Variants in ZNF467 observed in about 807,000 individuals in gnomAD.
ZNF467 encodes zinc finger protein 467.
Under a neutral mutation model 47.8 loss-of-function variants are expected in ZNF467, and 51 were observed. The ratio of observed to expected loss-of-function variants is 1.07; its 90% CI spans 0.85 to 1.35. ZNF467 has a LOEUF of 1.35. ZNF467 is among the 40% of genes most tolerant of loss of function. The probability of loss-of-function intolerance (pLI) is 0.00; values close to 1 mark genes in which losing one functional copy is unlikely to be tolerated. For missense variants in ZNF467, 992 were observed against 858.1 expected, an observed-to-expected ratio of 1.16 and a Z score of -1.95; for synonymous variants, 416 against 372.9, an observed-to-expected ratio of 1.12 and a Z score of -1.33.
chr7:149,771,344 C>T (rs1799399813), intron 1 of ZNF467, among the ~76,000 whole-genome samples: 1 of 152,200 alleles, frequency 6.6e-6, no homozygotes, highest in Non-Finnish European at 1.5e-5. Flanking sequence ...CCGCCAACCC[C>T]GGCCCATCAG....
upstream of ZNF467, among the ~76,000 whole-genome samples, chr7:149,774,868 G>A (rs952891142): frequency 6.6e-6 from 1 of 152,138 alleles, no homozygotes; most frequent in Non-Finnish European, 1.5e-5. The surrounding 1 kb of genome is among the most constrained non-coding windows in gnomAD (Gnocchi z 5.7). Flanking sequence ...GAGAAGGAGA[G>A]CCCGGCCCAG....
chr7:149,766,071 A>C lies in ZNF467; in HGVS notation c.431T>G (p.Leu144Arg), dbSNP rs745878650. ...YKLEPGAPGA[L>R]SGLALSGWGP... ...CCACCCAGACAGCGCGAGCCCACTC[A>C]GTGCCCCCGGGGCCCCTGGCTCCAG... The change falls in exon 5 of 5, where the codon CTG becomes CGG. Residue 144 changes from leucine to arginine, a missense_variant. By Grantham distance (102) the Leu-to-Arg change is moderately radical (BLOSUM62 -2). Coordinates refer to ENST00000302017, the MANE Select transcript of ZNF467 (RefSeq NM_207336.3). 8 of 1,609,940 alleles carry C rather than the reference A, an allele frequency of 5.0e-6. No homozygotes were observed. The highest frequency in any genetic ancestry group is 1.7e-6 in the Non-Finnish European group (2 of 1,178,124).
chr7:149,776,088 A>C, upstream of ZNF467: 1 of 1,364,578 alleles, frequency 7.3e-7, no homozygotes. Context: ...GCCCTGGCTG[A>C]CGGGTAAGCA....
Position 149,765,032 on chromosome 7 carries a change from A to AG in ZNF467, c.1469dup (p.Gln491SerfsTer230). 6.5e-7 allele frequency: 1 copy of AG among 1,549,858 alleles called. No homozygotes were observed. Among genetic ancestry groups the AG allele is most frequent in the Non-Finnish European group, 8.7e-7 (1 of 1,153,922 alleles). ...TGCGGCTGAAGCGGCGGCCGCACTG[A>AG]GCGCAGGCGAAAGGCCTGGCGCCGC... On this transcript the variant is annotated frameshift_variant, in exon 5 of 5. Transcript: ENST00000302017. LOFTEE classifies it high-confidence loss of function.
At position 149,764,601 on chromosome 7, in the gene ZNF467, G is replaced by A. The variant is rs1292918625; in HGVS notation, c.*113C>T. 8 of 1,533,620 alleles carry A rather than the reference G, an allele frequency of 5.2e-6. No individual in the cohort carries two copies. The highest frequency in any genetic ancestry group is 7.1e-6 in the Non-Finnish European group (8 of 1,134,244). The stretch of plus-strand genomic sequence containing the variant: ...ACTGCGGGAAGGAAACAGGTGTCCC[G>A]CGGCGGCCAAACCTTCGGGCAGCAG... On this transcript the variant is annotated 3_prime_UTR_variant, in exon 5 of 5. Coordinates refer to ENST00000302017, the MANE Select transcript of ZNF467 (RefSeq NM_207336.3).
Position 149,765,617 on chromosome 7 carries a change from C to A in ZNF467, c.885G>T (p.Thr295=). 1 of 1,605,236 alleles carries A rather than the reference C, an allele frequency of 6.2e-7. No individual in the cohort carries two copies. Among genetic ancestry groups the A allele is most frequent in the Non-Finnish European group, 8.5e-7 (1 of 1,176,122 alleles). ...THLIRHQRIH[T]GERPYQCAQC... Reference sequence around the variant, plus strand: ...GTGCGCACTGGTAGGGCCTCTCGCCCGTATGGATGCGCTGGTGCCGAATCA... The same window carrying A: ...GTGCGCACTGGTAGGGCCTCTCGCCAGTATGGATGCGCTGGTGCCGAATCA... The change falls in exon 5 of 5, where the codon ACG becomes ACT. Residue 295 remains threonine (T), a synonymous_variant. Coordinates refer to ENST00000302017, the MANE Select transcript of ZNF467 (RefSeq NM_207336.3).
chr7:149,764,295 T>C lies in ZNF467; in HGVS notation c.*419A>G, dbSNP rs1434866051. The stretch of plus-strand genomic sequence containing the variant: ...TGGAGGGGGGTGGTCTGTGTGTGGA[T>C]GGAGGTGGGACAGTGGCTAAGGAGA... On this transcript the variant is annotated 3_prime_UTR_variant, in exon 5 of 5. Coordinates refer to ENST00000302017, the MANE Select transcript of ZNF467 (RefSeq NM_207336.3). The C allele has an allele frequency of 4.2e-6, 2 of 476,174 alleles. No individual in the cohort carries two copies. Among genetic ancestry groups the C allele is most frequent in the African/African-American group, 4.1e-5 (2 of 49,368 alleles). 29.5% of individuals were successfully genotyped at this position (476,174 alleles called of 1,614,324 possible).
In ZNF467 at chr7:149,769,134, T is replaced by A; in HGVS notation, c.218A>T (p.Gln73Leu). ...TEQAEAPCRG[Q>L]ACSAQKAQPV... ...CTGAGCCTTCTGTGCTGAGCACGCC[T>A]GGCCTCTGCAGGGAGCCTCGGCTTG... Residue 73 changes from glutamine to leucine, a missense_variant, in exon 4 of 5, where the codon CAG becomes CTG. Physicochemically the swap from Gln to Leu is moderately radical, Grantham distance 113. Coordinates refer to ENST00000302017, the MANE Select transcript of ZNF467 (RefSeq NM_207336.3). This position sits in a 1 kb window ranked among gnomAD's most constrained non-coding sequence, Gnocchi z 5.3. The A allele has an allele frequency of 6.4e-7, 1 of 1,561,726 alleles. No homozygotes were observed. The highest frequency in any genetic ancestry group is 1.2e-5 in the South Asian group (1 of 84,886).
upstream of ZNF467, chr7:149,775,937 T>TG: frequency 1.1e-6 from 1 of 886,122 alleles, no homozygotes; most frequent in Non-Finnish European, 1.6e-6. Context: ...GGAGGCTGCG[T>TG]GGGGCAGGAG....
In ZNF467 at chr7:149,765,470, G is replaced by A; in HGVS notation, c.1032C>T (p.Ser344=). ...SSASPHSTAP[S]PTPSFPGPKP... is the part of the protein sequence containing the mutation. Reference sequence around the variant, plus strand: ...TTGGCCCGGGAAAGGATGGGGTCGGGGACGGGGCAGTGGAATGAGGAGAAG... The same window carrying A: ...TTGGCCCGGGAAAGGATGGGGTCGGAGACGGGGCAGTGGAATGAGGAGAAG... The change falls in exon 5 of 5, where the codon TCC becomes TCT. Residue 344 remains serine (S), a synonymous_variant. Coordinates refer to ENST00000302017, the MANE Select transcript of ZNF467 (RefSeq NM_207336.3). 1 of 1,585,748 alleles carries A rather than the reference G, an allele frequency of 6.3e-7. No individual in the cohort carries two copies. Among genetic ancestry groups the A allele is most frequent in the East Asian group, 2.3e-5 (1 of 43,914 alleles).
At chr7:149,775,956 G>A (rs901993349), upstream of ZNF467, 16 of 1,093,180 alleles carry the variant, frequency 1.5e-5, no homozygotes, top group African/African-American at 2.3e-4. Context: ...AGAGAGCACC[G>A]CTGGCCTCTC....
Position 149,770,998 on chromosome 7 carries a change from C to A in ZNF467, c.34+1G>T. The A allele has an allele frequency of 1.2e-6, 2 of 1,614,064 alleles. No individual in the cohort carries two copies. The highest frequency in any genetic ancestry group is 1.1e-5 in the South Asian group (1 of 91,086). On this transcript the variant is annotated splice_donor_variant, in intron 2 of 4. Transcript: ENST00000302017. LOFTEE classifies it high-confidence loss of function. Reference sequence around the variant, plus strand: ...AAGTCCCTTCATTTCTGCCAGCTCACCCAGGGAGCTGAGGGCCTCCAAGGT... The same window carrying A: ...AAGTCCCTTCATTTCTGCCAGCTCAACCAGGGAGCTGAGGGCCTCCAAGGT...
At chr7:149,771,388 G>C (rs1231849575) in intron 1 of ZNF467, among the ~76,000 whole-genome samples, 1 of 152,160 alleles carries the variant, frequency 6.6e-6, no homozygotes, top group Non-Finnish European at 1.5e-5. Flanking sequence ...TCCTTGCCTG[G>C]GAAAGTGCAG....
chr7:149,771,646 G>T (rs1799410359), intron 1 of ZNF467, among the ~76,000 whole-genome samples: 1 of 151,980 alleles, frequency 6.6e-6, no homozygotes, highest in Non-Finnish European at 1.5e-5. Flanking sequence ...CCCGTGCCGG[G>T]CTGCCCAAGG....
chr7:149,772,904 C>T (rs1237991238), intron 1 of ZNF467, among the ~76,000 whole-genome samples: 2 of 135,132 alleles, frequency 1.5e-5, no homozygotes, highest in Non-Finnish European at 3.2e-5. Flanking sequence ...CCTCTACCCC[C>T]ACAGCCCTCA....
At chr7:149,768,235 C>T (rs1799280887) in intron 4 of ZNF467, among the ~76,000 whole-genome samples, 1 of 152,190 alleles carries the variant, frequency 6.6e-6, no homozygotes, top group Admixed American at 6.5e-5. Context: ...CAGATTTTCT[C>T]TTCTGAGGTA....
At chr7:149,774,258 G>T (rs1037299748), upstream of ZNF467, among the ~76,000 whole-genome samples, 47 of 152,150 alleles carry the variant, frequency 3.1e-4, no homozygotes, top group Non-Finnish European at 1.2e-4. This position sits in a 1 kb window ranked among gnomAD's most constrained non-coding sequence, Gnocchi z 5.7. Context: ...CCCTGCCCAG[G>T]TTACGAGGTT....
In ZNF467 at chr7:149,764,586, G is replaced by GGAAACAGGTGTCCCGCGGC. The variant is rs1799083004; in HGVS notation, c.*109_*127dup. ...TGTGCGGACGCAGACACTGCGGGAAGGAAACAGGTGTCCCGCGGCGGCCAA... is the reference window on the plus strand; with the variant it reads ...TGTGCGGACGCAGACACTGCGGGAAGGAAACAGGTGTCCCGCGGCGAAACAGGTGTCCCGCGGCGGCCAA... On this transcript the variant is annotated 3_prime_UTR_variant, in exon 5 of 5. Coordinates refer to ENST00000302017, the MANE Select transcript of ZNF467 (RefSeq NM_207336.3). 1 of 1,501,092 alleles carries GGAAACAGGTGTCCCGCGGC rather than the reference G, an allele frequency of 6.7e-7. No individual in the cohort carries two copies. The highest frequency in any genetic ancestry group is 1.4e-5 in the African/African-American group (1 of 72,292). 93.0% of individuals were successfully genotyped at this position (1,501,092 alleles called of 1,614,324 possible). A position where few individuals can be genotyped will look rare whatever the true frequency, so the allele number is the denominator to read the frequency against.
intron 4 of ZNF467, among the ~76,000 whole-genome samples, chr7:149,766,748 G>T (rs535257408): frequency 6.6e-6 from 1 of 152,276 alleles, no homozygotes; most frequent in South Asian, 2.1e-4. Context: ...TTCCCTGGTG[G>T]CCTTGAAAAC....
Sources: gnomAD v4.1 joint callset for allele counts (sites outside exome capture counted in the v4.1 genomes callset) on GRCh38, gnomAD v4.1.1 for gene constraint, Gnocchi (gnomAD v3.1) non-coding constraint, MANE v1.5 for transcripts, NCBI Gene and HGNC (gene_info 2026-07-23, HGNC 2026-07-21) for gene names.